LRRC4C: variants seen among roughly 807,000 people sequenced by gnomAD.
LRRC4C encodes the protein leucine rich repeat containing 4C, also known as leucine-rich repeat-containing protein 4C.
Under a neutral mutation model 33.6 loss-of-function variants are expected in LRRC4C, and 5 were observed. That is an observed-to-expected ratio of 0.15 (90% CI 0.08 to 0.31). LRRC4C has a LOEUF of 0.31. Among genes scored for constraint, LRRC4C ranks in the 10% least tolerant of loss-of-function variants. LRRC4C has a pLI of 1.00. For missense variants in LRRC4C, 560 were observed against 796.7 expected, an observed-to-expected ratio of 0.70 and a Z score of 3.58; for synonymous variants, 329 against 302.0, an observed-to-expected ratio of 1.09 and a Z score of -0.93.
intron 4 of LRRC4C, among the ~76,000 whole-genome samples, chr11:40,268,868 T>C (rs973045501): frequency 6.6e-6 from 1 of 152,114 alleles, no homozygotes; most frequent in Non-Finnish European, 1.5e-5. Flanking sequence ...GGAGATCCTA[T>C]GCATAGCCAG....
chr11:40,893,366 T>A (rs1353159904), intron 2 of LRRC4C, among the ~76,000 whole-genome samples: 1 of 152,048 alleles, frequency 6.6e-6, no homozygotes, highest in African/African-American at 2.4e-5. Context: ...ATTTTAGAAC[T>A]GAGGAAGTAC....
intron 1 of LRRC4C, among the ~76,000 whole-genome samples, chr11:41,144,386 T>A (rs1943643209): frequency 6.6e-6 from 1 of 152,166 alleles, no homozygotes; most frequent in Admixed American, 6.6e-5. Flanking sequence ...ATTCCTAATA[T>A]TTTTTTCCTG....
chr11:40,523,510 G>A (rs943907913), intron 3 of LRRC4C, among the ~76,000 whole-genome samples: 9 of 149,618 alleles, frequency 6.0e-5, no homozygotes, highest in South Asian at 2.1e-4. Flanking sequence ...TATGTTAATC[G>A]TTATGCCATA....
intron 1 of LRRC4C, among the ~76,000 whole-genome samples, chr11:41,444,671 A>G (rs1337497414): frequency 6.6e-6 from 1 of 152,220 alleles, no homozygotes; most frequent in Non-Finnish European, 1.5e-5. Flanking sequence ...GCAAAAAGTC[A>G]TTGGCTACAT....
chr11:41,171,457 T>C (rs1446305274), intron 1 of LRRC4C, among the ~76,000 whole-genome samples: 9 of 151,990 alleles, frequency 5.9e-5, no homozygotes, highest in Non-Finnish European at 1.0e-4. Context: ...TGTAGGGACA[T>C]GGATGAAGCT....
At chr11:40,292,470 T>A (rs1362565606) in intron 4 of LRRC4C, 1 of 152,114 alleles carries the variant, frequency 6.6e-6, no homozygotes, top group Non-Finnish European at 1.5e-5. Flanking sequence ...TTTCCTCTCC[T>A]CTTGTGGGAA....
chr11:41,153,275 A>G (rs1043026698), intron 1 of LRRC4C, among the ~76,000 whole-genome samples: 4 of 152,182 alleles, frequency 2.6e-5, no homozygotes, highest in Non-Finnish European at 4.4e-5. Context: ...GAGTACATGC[A>G]TCAATCAACT....
Position 40,814,303 on chromosome 11 carries a change from AG to A in LRRC4C, c.-407+119331del, listed in dbSNP as rs1422529815. 5.3e-5 allele frequency among the ~76,000 whole-genome samples: 8 copies of A among 152,292 alleles called. No individual in the cohort carries two copies. The East Asian group carries it at 1.4e-3, about 26-fold the overall frequency. ...GGTCAATACCACATCAAAGCTGCCAAGGCTTGAGGCTTGCACCCTCTGAAGC... is the reference window on the plus strand; with the variant it reads ...GGTCAATACCACATCAAAGCTGCCAAGCTTGAGGCTTGCACCCTCTGAAGC... On this transcript the variant is annotated intron_variant, in intron 2 of 6. Coordinates refer to ENST00000528697, the MANE Select transcript of LRRC4C (RefSeq NM_001258419.2).
chr11:41,322,331 C>T (rs1202526637), intron 1 of LRRC4C, among the ~76,000 whole-genome samples: 1 of 151,644 alleles, frequency 6.6e-6, no homozygotes. Context: ...TTTTGAATAC[C>T]ACTAATTTGT....
intron 1 of LRRC4C, among the ~76,000 whole-genome samples, chr11:41,271,280 C>T (rs563927796): frequency 6.6e-6 from 1 of 152,156 alleles, no homozygotes; most frequent in African/African-American, 2.4e-5. Context: ...GTACTCAAAC[C>T]ACTCCAAAGG....
chr11:41,263,825 T>G (rs1949060691), intron 1 of LRRC4C, among the ~76,000 whole-genome samples: 1 of 152,046 alleles, frequency 6.6e-6, no homozygotes, highest in Admixed American at 6.6e-5. Flanking sequence ...AACAAGTAAC[T>G]GTATCATTCA....
At chr11:40,429,431 A>G (rs1466563747) in intron 3 of LRRC4C, among the ~76,000 whole-genome samples, 1 of 152,202 alleles carries the variant, frequency 6.6e-6, no homozygotes, top group East Asian at 1.9e-4. Flanking sequence ...CTTAAGAGGT[A>G]TGTAAACTTA....
At chr11:41,180,637 C>T (rs896360615) in intron 1 of LRRC4C, among the ~76,000 whole-genome samples, 7 of 152,130 alleles carry the variant, frequency 4.6e-5, no homozygotes, top group African/African-American at 1.7e-4. Flanking sequence ...TTTACCAAGT[C>T]TTTAAAATGG....
chr11:41,022,606 A>C (rs1480746865), intron 1 of LRRC4C, among the ~76,000 whole-genome samples: 4 of 152,150 alleles, frequency 2.6e-5, no homozygotes, highest in East Asian at 3.9e-4. Context: ...ATAATAGTAC[A>C]CATCCTGTTT....
intron 1 of LRRC4C, among the ~76,000 whole-genome samples, chr11:40,986,539 C>T (rs1013881331): frequency 1.3e-5 from 2 of 151,846 alleles, no homozygotes; most frequent in Non-Finnish European, 2.9e-5. Flanking sequence ...CTGCAATGGG[C>T]CATGATTACA....
chr11:40,497,546 TA>T (rs1374785134), intron 3 of LRRC4C, among the ~76,000 whole-genome samples: 1 of 152,048 alleles, frequency 6.6e-6, no homozygotes, highest in Non-Finnish European at 1.5e-5. Flanking sequence ...CCACATAATC[TA>T]AAAAAATAAA....
chr11:40,713,937 T>C (rs1420344491), intron 2 of LRRC4C, among the ~76,000 whole-genome samples: 2 of 152,196 alleles, frequency 1.3e-5, no homozygotes, highest in Admixed American at 1.3e-4. Flanking sequence ...AATGGGATAT[T>C]GTGGGAATTA....
At chr11:40,389,483 A>G (rs1949253355) in intron 3 of LRRC4C, among the ~76,000 whole-genome samples, 1 of 152,074 alleles carries the variant, frequency 6.6e-6, no homozygotes, top group African/African-American at 2.4e-5. Context: ...AAAAAAAATA[A>G]TCAAAAAACC....
At chr11:41,146,855 A>G (rs988060260) in intron 1 of LRRC4C, among the ~76,000 whole-genome samples, 17 of 152,378 alleles carry the variant, frequency 1.1e-4, no homozygotes, top group African/African-American at 3.8e-4. Context: ...GTGGAATGAA[A>G]TTCCAAAAGA....
Sources: gnomAD v4.1 joint callset for allele counts (sites outside exome capture counted in the v4.1 genomes callset) on GRCh38, gnomAD v4.1.1 for gene constraint, MANE v1.5 for transcripts, NCBI Gene and HGNC (gene_info 2026-07-23, HGNC 2026-07-21) for gene names.